RSRC1: variants seen among roughly 807,000 people sequenced by gnomAD.
RSRC1 encodes serine/Arginine-related protein 53.
In RSRC1, 39 loss-of-function variants were observed where a neutral mutation model predicts 49.1. The ratio of observed to expected loss-of-function variants is 0.79; its 90% CI spans 0.61 to 1.04. The LOEUF (loss-of-function observed/expected upper bound fraction) is 1.04, where lower values mean the gene tolerates loss of function less well. Ranked by LOEUF, RSRC1 falls within the 50% of genes least tolerant of loss-of-function variation. RSRC1 has a pLI of 0.00. For missense variants in RSRC1, 388 were observed against 402.4 expected (o/e 0.96, Z 0.31); for synonymous variants, 143 against 130.8 (o/e 1.09, Z -0.63).
In RSRC1 at chr3:158,518,146, ATATT is replaced by A. The variant is rs1249455491; in HGVS notation, c.653-18944_653-18941del. 5.5e-3 allele frequency among the ~76,000 whole-genome samples: 381 copies of A among 69,604 alleles called. 1 individual carries two copies. The highest frequency in any genetic ancestry group is 0.013 in the African/African-American group (125 of 9,700). 45.7% of individuals were successfully genotyped at this position (69,604 alleles called of 152,430 possible). A position where few individuals can be genotyped will look rare whatever the true frequency, so the allele number is the denominator to read the frequency against. On this transcript the variant is annotated intron_variant, in intron 7 of 9. Coordinates refer to ENST00000611884, the MANE Select transcript of RSRC1 (RefSeq NM_001271838.2). ...TGTGTGTATATATATATATATATAT[ATATT>A]TTTTTTTTTTTTTTTTTTACTCCCA...
chr3:158,530,757 CAG>C (rs2108499680), intron 7 of RSRC1, among the ~76,000 whole-genome samples: 1 of 151,886 alleles, frequency 6.6e-6, no homozygotes, highest in South Asian at 2.1e-4. Flanking sequence ...ATAGCAGAGA[CAG>C]GGTTTAACCC....
chr3:158,428,116 T>G (rs908912713), intron 6 of RSRC1, among the ~76,000 whole-genome samples: 1 of 151,714 alleles, frequency 6.6e-6, no homozygotes, highest in Non-Finnish European at 1.5e-5. Flanking sequence ...CCAACCAGAA[T>G]GGTAATATTG....
intron 4 of RSRC1, among the ~76,000 whole-genome samples, chr3:158,274,268 CTG>C (rs1326252679): frequency 6.6e-6 from 1 of 151,940 alleles, no homozygotes; most frequent in Non-Finnish European, 1.5e-5. Flanking sequence ...GCCTGTAAAA[CTG>C]ATTATTCAAC....
chr3:158,156,177 A>C (rs1027077556), intron 3 of RSRC1, among the ~76,000 whole-genome samples: 44 of 152,300 alleles, frequency 2.9e-4, no homozygotes, highest in African/African-American at 1.0e-3. Context: ...GTACTGCTTC[A>C]CCTTGTACTT....
intron 7 of RSRC1, among the ~76,000 whole-genome samples, chr3:158,477,277 G>T (rs1738408066): frequency 1.3e-5 from 2 of 152,110 alleles, no homozygotes; most frequent in African/African-American, 4.8e-5. Flanking sequence ...TCCAATTTTT[G>T]AAAGCAGAAG....
intron 7 of RSRC1, among the ~76,000 whole-genome samples, chr3:158,479,511 C>G (rs1318205506): frequency 1.3e-5 from 2 of 151,822 alleles, no homozygotes; most frequent in African/African-American, 4.8e-5. Context: ...AGTCAGTTTT[C>G]AAGACATCCA....
At chr3:158,224,770 A>G (rs1722429258) in intron 4 of RSRC1, among the ~76,000 whole-genome samples, 1 of 151,844 alleles carries the variant, frequency 6.6e-6, no homozygotes, top group South Asian at 2.1e-4. Flanking sequence ...ATTAACCTTC[A>G]ACTAGTATTT....
chr3:158,342,046 C>T (rs1422408566), intron 5 of RSRC1, among the ~76,000 whole-genome samples: 1 of 152,160 alleles, frequency 6.6e-6, no homozygotes, highest in African/African-American at 2.4e-5. Context: ...AATACCTGTA[C>T]CCACATTGTA....
chr3:158,303,209 G>A (rs1045502821), intron 5 of RSRC1: 14 of 152,128 alleles, frequency 9.2e-5, no homozygotes, highest in African/African-American at 3.4e-4. Flanking sequence ...CTTTTCTCTT[G>A]GGAGAAGGAT....
At chr3:158,479,770 A>G (rs995934417) in intron 7 of RSRC1, among the ~76,000 whole-genome samples, 3 of 152,042 alleles carry the variant, frequency 2.0e-5, no homozygotes, top group Non-Finnish European at 4.4e-5. Context: ...TGTTTGTGAT[A>G]TTGCCTGTAG....
At chr3:158,187,636 C>T (rs954790108) in intron 3 of RSRC1, among the ~76,000 whole-genome samples, 6 of 152,084 alleles carry the variant, frequency 3.9e-5, no homozygotes, top group East Asian at 1.9e-4. Context: ...TAAGGACAGT[C>T]GATCCTGGTT....
At chr3:158,446,029 C>T (rs546676792) in intron 6 of RSRC1, among the ~76,000 whole-genome samples, 7 of 152,012 alleles carry the variant, frequency 4.6e-5, no homozygotes, top group Middle Eastern at 3.4e-3. Flanking sequence ...TGAGATCTAC[C>T]GCCCTAAAGT....
At chr3:158,223,052 A>G (rs1333114501) in intron 4 of RSRC1, among the ~76,000 whole-genome samples, 1 of 151,730 alleles carries the variant, frequency 6.6e-6, no homozygotes, top group East Asian at 1.9e-4. Flanking sequence ...TGAAACCTCC[A>G]TTGTCAAGTG....
At chr3:158,479,159 A>G (rs1046347812) in intron 7 of RSRC1, among the ~76,000 whole-genome samples, 18 of 150,840 alleles carry the variant, frequency 1.2e-4, no homozygotes, top group African/African-American at 3.1e-4. Flanking sequence ...AGTGATCAGA[A>G]TATCTTTGAG....
chr3:158,452,590 G>C (rs879465291), intron 6 of RSRC1, among the ~76,000 whole-genome samples: 4 of 152,178 alleles, frequency 2.6e-5, no homozygotes, highest in Non-Finnish European at 5.9e-5. Flanking sequence ...CAGTGTTTGT[G>C]AAATGCCATA....
chr3:158,473,706 A>G (rs1256380729), intron 7 of RSRC1, among the ~76,000 whole-genome samples: 1 of 152,142 alleles, frequency 6.6e-6, no homozygotes, highest in East Asian at 1.9e-4. Flanking sequence ...ACCTATGATT[A>G]TATTTAAACT....
intron 3 of RSRC1, among the ~76,000 whole-genome samples, chr3:158,154,253 C>A (rs1717724430): frequency 1.3e-5 from 2 of 152,056 alleles, no homozygotes; most frequent in African/African-American, 4.8e-5. Context: ...ATCATTTGAG[C>A]CTTCGGTGAG....
intron 7 of RSRC1, among the ~76,000 whole-genome samples, chr3:158,492,278 A>AT (rs1348207495): frequency 1.3e-5 from 2 of 152,228 alleles, no homozygotes; most frequent in Non-Finnish European, 2.9e-5. Context: ...TCAAAATGAG[A>AT]TTCAGGTGGG....
chr3:158,319,933 T>C (rs1315094402), intron 5 of RSRC1, among the ~76,000 whole-genome samples: 1 of 152,214 alleles, frequency 6.6e-6, no homozygotes, highest in Non-Finnish European at 1.5e-5. Flanking sequence ...GATCCTCATA[T>C]GTTACAAGTT....
Sources: allele counts gnomAD v4.1 joint callset (sites outside exome capture counted in the v4.1 genomes callset), GRCh38; gene constraint gnomAD v4.1.1; transcripts MANE v1.5; gene names NCBI Gene and HGNC (gene_info 2026-07-23, HGNC 2026-07-21).